KATNIP: variants seen among roughly 807,000 people sequenced by gnomAD.
KATNIP encodes katanin interacting protein, also known as katanin-interacting protein.
KATNIP carries 126 observed loss-of-function variants against 174.0 expected under a neutral mutation model. That is an observed-to-expected ratio of 0.72 (90% confidence interval 0.63 to 0.84). KATNIP has a LOEUF of 0.84. Ranked by LOEUF, KATNIP falls within the 40% of genes least tolerant of loss-of-function variation. The pLI is 0.00. For missense variants in KATNIP, 1,958 were observed against 2,109.7 expected (o/e 0.93, Z 1.41); for synonymous variants, 810 against 835.7 (o/e 0.97, Z 0.53).
chr16:27,653,248 G>A (rs1027877704), intron 6 of KATNIP, among the ~76,000 whole-genome samples: 29 of 152,334 alleles, frequency 1.9e-4, no homozygotes, highest in African/African-American at 7.0e-4. Context: ...GTGACAGGAA[G>A]ACAGGGCCAC....
At chr16:27,662,843 A>T (rs1215402406) in intron 6 of KATNIP, among the ~76,000 whole-genome samples, 1 of 152,162 alleles carries the variant, frequency 6.6e-6, no homozygotes, top group Admixed American at 6.5e-5. Flanking sequence ...CACCTAATAC[A>T]TGGGTGCCTT....
intron 17 of KATNIP, among the ~76,000 whole-genome samples, chr16:27,753,480 G>A (rs1007450686): frequency 2.6e-5 from 4 of 152,144 alleles, no homozygotes; most frequent in African/African-American, 7.2e-5. Flanking sequence ...AGAGACCAGC[G>A]CCTTCACTTA....
Position 27,699,586 on chromosome 16 carries a change from A to C in KATNIP, c.1166A>C (p.Glu389Ala). 6.2e-7 allele frequency: 1 copy of C among 1,614,194 alleles called. No individual in the cohort carries two copies. The highest frequency in any genetic ancestry group is 2.2e-5 in the East Asian group (1 of 44,890). ...TGGACCAGTCTGCTGGAGGAGAAGG[A>C]AGAGACCCTTGAGGTCAGTGCTAGG... ...KPWTSLLEEK[E>A]ETLELLPITT... Residue 389 changes from glutamate (E) to alanine (A), a missense_variant, in exon 10 of 28, where the codon GAA (glutamate) becomes GCA (alanine). Physicochemically the swap from Glu to Ala is moderately radical, Grantham distance 107. This residue lies in a region of KATNIP where 1,557 missense variants were observed against 1,617.8 expected (regional missense o/e 0.96). Transcript: ENST00000261588.
In KATNIP at chr16:27,637,022, G is replaced by A. The variant is rs893229642; in HGVS notation, c.408+5860G>A. Among the ~76,000 whole-genome samples the A allele has an allele frequency of 6.6e-6, 1 of 152,232 alleles. No homozygotes were observed. The highest frequency in any genetic ancestry group is 1.5e-5 in the Non-Finnish European group (1 of 68,044). ...CTGCCAGCTGCACAGTGGCTAAGACGCTTAACCCCTTGGTGCCTGCGCTCT... is the reference window on the plus strand; with the variant it reads ...CTGCCAGCTGCACAGTGGCTAAGACACTTAACCCCTTGGTGCCTGCGCTCT... On this transcript the variant is annotated intron_variant, in intron 5 of 27. Coordinates refer to ENST00000261588, the MANE Select transcript of KATNIP (RefSeq NM_015202.5). This position sits in a 1 kb window ranked among gnomAD's most constrained non-coding sequence, Gnocchi z 4.7.
chr16:27,622,290 G>A (rs542937893), intron 3 of KATNIP, among the ~76,000 whole-genome samples: 1 of 152,158 alleles, frequency 6.6e-6, no homozygotes, highest in African/African-American at 2.4e-5. Context: ...GAAAGTGATT[G>A]TGTGCTCCAG....
chr16:27,642,834 C>G (rs1482443817), intron 5 of KATNIP, among the ~76,000 whole-genome samples: 2 of 148,890 alleles, frequency 1.3e-5, no homozygotes, highest in African/African-American at 4.9e-5. Flanking sequence ...TCTCAAAATC[C>G]TGGCCTCAAA....
chr16:27,567,714 G>A (rs530481087), intron 1 of KATNIP, among the ~76,000 whole-genome samples: 1 of 152,298 alleles, frequency 6.6e-6, no homozygotes, highest in South Asian at 2.1e-4. Context: ...AGTAGAGACG[G>A]GGTTTCACCA....
intron 2 of KATNIP, among the ~76,000 whole-genome samples, chr16:27,588,322 G>T (rs2090979389): frequency 6.6e-6 from 1 of 151,930 alleles, no homozygotes; most frequent in Admixed American, 6.6e-5. Flanking sequence ...AATAAAATAA[G>T]CTTAAGTGTA....
At chr16:27,556,254 T>G (rs2089624404) in intron 1 of KATNIP, among the ~76,000 whole-genome samples, 1 of 152,212 alleles carries the variant, frequency 6.6e-6, no homozygotes, top group South Asian at 2.1e-4. Flanking sequence ...TGATAACTTT[T>G]GTAATTAGCA....
At chr16:27,556,681 G>A (rs2089641739) in intron 1 of KATNIP, among the ~76,000 whole-genome samples, 1 of 152,192 alleles carries the variant, frequency 6.6e-6, no homozygotes, top group South Asian at 2.1e-4. Flanking sequence ...GTTTTGCTGA[G>A]AGTACACCAT....
intron 15 of KATNIP, among the ~76,000 whole-genome samples, chr16:27,748,927 C>T (rs535488498): frequency 3.9e-5 from 6 of 152,312 alleles, no homozygotes; most frequent in East Asian, 1.9e-4. Context: ...GCATGTCACC[C>T]GTACCAGGAT....
intron 6 of KATNIP, among the ~76,000 whole-genome samples, chr16:27,675,766 G>C (rs909005488): frequency 1.3e-5 from 2 of 152,170 alleles, no homozygotes; most frequent in African/African-American, 4.8e-5. Flanking sequence ...CAAAAGTCAT[G>C]TGGGACTCCC....
chr16:27,554,646 T>G (rs186282930), intron 1 of KATNIP, among the ~76,000 whole-genome samples: 1 of 152,162 alleles, frequency 6.6e-6, no homozygotes, highest in Non-Finnish European at 1.5e-5. Context: ...TAGGACGTTA[T>G]TGTAGCCTAG....
chr16:27,562,469 T>C (rs1406528225), intron 1 of KATNIP, among the ~76,000 whole-genome samples: 1 of 152,192 alleles, frequency 6.6e-6, no homozygotes. Context: ...ATCTCTTTCC[T>C]TAGGATTCTG....
chr16:27,733,972 G>A (rs2080800694), intron 14 of KATNIP, among the ~76,000 whole-genome samples: 1 of 152,064 alleles, frequency 6.6e-6, no homozygotes, highest in Non-Finnish European at 1.5e-5. Context: ...AAAATGTCTT[G>A]AAGAACTGGA....
Position 27,761,393 on chromosome 16 carries a change from C to G in KATNIP, c.3632-20C>G. The G allele has an allele frequency of 6.3e-7, 1 of 1,593,736 alleles. No homozygotes were observed. Among genetic ancestry groups the G allele is most frequent in the Non-Finnish European group, 8.5e-7 (1 of 1,169,744 alleles). On this transcript the variant is annotated intron_variant, in intron 18 of 27. Coordinates refer to ENST00000261588, the MANE Select transcript of KATNIP (RefSeq NM_015202.5). ...TCTGGAGCCTCTGGTGCTAATGGGC[C>G]ACTTCTCTTCCTGTTGCAGGCCTTC...
In KATNIP at chr16:27,750,173, C is replaced by G. The variant is rs2081450394; in HGVS notation, c.3213C>G (p.Ala1071=). The stretch of plus-strand genomic sequence containing the variant: ...ACTTCACGCACCCTTGCCACGTTGC[C>G]CTGATCAGAATTTGGAACTACAATA... ...TIDFTHPCHV[A]LIRIWNYNKS... is the part of the protein sequence containing the mutation. The change falls in exon 16 of 28, where the codon GCC becomes GCG. Residue 1071 remains alanine (A), a synonymous_variant. Transcript: ENST00000261588. 6 of 1,613,982 alleles carry G rather than the reference C, an allele frequency of 3.7e-6. No homozygotes were observed. Among genetic ancestry groups the G allele is most frequent in the Non-Finnish European group, 5.1e-6 (6 of 1,180,040 alleles).
chr16:27,671,513 G>C (rs1041850351), intron 6 of KATNIP, among the ~76,000 whole-genome samples: 2 of 152,136 alleles, frequency 1.3e-5, no homozygotes, highest in African/African-American at 4.8e-5. Flanking sequence ...AACGATCTTT[G>C]TGTACTTAGG....
intron 6 of KATNIP, chr16:27,660,025 T>C: frequency 1.0e-6 from 1 of 983,542 alleles, no homozygotes; most frequent in South Asian, 4.7e-5. Flanking sequence ...TGTCGGAGTT[T>C]GCGAGTCTTG....
Sources: allele counts gnomAD v4.1 joint callset (sites outside exome capture counted in the v4.1 genomes callset), GRCh38; gene constraint gnomAD v4.1.1; regional missense constraint gnomAD v4.1.1; non-coding constraint Gnocchi (gnomAD v3.1); transcripts MANE v1.5; gene names NCBI Gene and HGNC (gene_info 2026-07-23, HGNC 2026-07-21).